Variants in FDFT1 observed in about 807,000 individuals in gnomAD.
The protein encoded by FDFT1 is squalene synthase.
FDFT1 carries 68 observed loss-of-function variants against 46.8 expected under a neutral mutation model. The ratio of observed to expected loss-of-function variants is 1.45; its 90% CI spans 1.19 to 1.78. FDFT1 has a LOEUF of 1.78. FDFT1 is among the 40% of genes most tolerant of loss of function. The pLI, the probability that FDFT1 is intolerant of heterozygous loss-of-function variation, is 0.00. For missense variants in FDFT1, 928 were observed against 524.4 expected, an observed-to-expected ratio of 1.77 and a Z score of -7.52; for synonymous variants, 351 against 185.1, an observed-to-expected ratio of 1.90 and a Z score of -7.28.
At chr8:11,798,185 G>C (rs535557876), upstream of FDFT1, 1 of 152,014 alleles carries the variant, frequency 6.6e-6, no homozygotes. Context: ...TCAGCCTCCC[G>C]AGTAACTGGG....
At chr8:11,828,470 G>C (rs914936118) in intron 5 of FDFT1, among the ~76,000 whole-genome samples, 3 of 152,210 alleles carry the variant, frequency 2.0e-5, no homozygotes, top group African/African-American at 7.2e-5. Context: ...TGTATAGTGA[G>C]GCAGTGGCTG....
chr8:11,829,783 T>C (rs1810515028), intron 5 of FDFT1, among the ~76,000 whole-genome samples: 1 of 152,152 alleles, frequency 6.6e-6, no homozygotes, highest in Non-Finnish European at 1.5e-5. Context: ...ATGAACTTGA[T>C]CTTCGTGAAA....
At chr8:11,797,880 G>A (rs557028068), upstream of FDFT1, 6 of 152,368 alleles carry the variant, frequency 3.9e-5, no homozygotes, top group East Asian at 5.8e-4. Flanking sequence ...GTGCTGCTAG[G>A]ACTGGATCAG....
intron 4 of FDFT1, among the ~76,000 whole-genome samples, chr8:11,822,593 C>T (rs1413182745): frequency 6.6e-6 from 1 of 152,076 alleles, no homozygotes; most frequent in Non-Finnish European, 1.5e-5. Flanking sequence ...GTGGGAGGAT[C>T]ATTTGAGCCC....
At chr8:11,824,322 A>C (rs2130829054) in intron 4 of FDFT1, among the ~76,000 whole-genome samples, 1 of 152,340 alleles carries the variant, frequency 6.6e-6, no homozygotes, top group African/African-American at 2.4e-5. Context: ...GTCGCGGAAA[A>C]AAAAAGTATT....
chr8:11,827,039 G>C (rs575941603), intron 5 of FDFT1, among the ~76,000 whole-genome samples: 3 of 152,322 alleles, frequency 2.0e-5, no homozygotes, highest in African/African-American at 4.8e-5. Flanking sequence ...TTAAAACATG[G>C]ACAGGGAACA....
At chr8:11,809,097 T>G in intron 2 of FDFT1, 2 of 1,288,504 alleles carry the variant, frequency 1.6e-6, no homozygotes, top group Non-Finnish European at 1.0e-6. Context: ...GGCCCAGCCT[T>G]TCAGAGAAGA....
intron 5 of FDFT1, among the ~76,000 whole-genome samples, chr8:11,828,215 G>C (rs1199995680): frequency 6.6e-6 from 1 of 152,118 alleles, no homozygotes; most frequent in African/African-American, 2.4e-5. Flanking sequence ...CTGAGCCCAG[G>C]AGTTCAAGGC....
Position 11,838,989 on chromosome 8 carries a change from G to T in FDFT1, c.*380G>T. On this transcript the variant is annotated 3_prime_UTR_variant, in exon 8 of 8. Coordinates refer to ENST00000220584, the MANE Select transcript of FDFT1 (RefSeq NM_004462.5). ...CACCATTTGAATGTTCGTAATAGTA[G>T]AAAATGATGTGAATTTTCTTTCTGT... is the stretch of plus-strand genomic sequence containing the variant. 5.5e-6 allele frequency: 1 copy of T among 181,400 alleles called. No individual in the cohort carries two copies. Among genetic ancestry groups the T allele is most frequent in the Non-Finnish European group, 1.2e-5 (1 of 85,418 alleles). The allele number at this position is 181,400 out of a possible 1,614,324, so 11.2% of individuals were successfully genotyped here. A position where few individuals can be genotyped will look rare whatever the true frequency, so the allele number is the denominator to read the frequency against.
rs183704568 is a variant in FDFT1 at position 11,805,792 on chromosome 8, G to A, written c.99+2861G>A. 2.0e-5 allele frequency among the ~76,000 whole-genome samples: 3 copies of A among 152,328 alleles called. No homozygotes were observed. In the East Asian group the frequency reaches 5.8e-4, roughly 29 times the overall value. On this transcript the variant is annotated intron_variant, in intron 1 of 7. Transcript: ENST00000220584. The stretch of plus-strand genomic sequence containing the variant: ...GTGCTACTTCACACTGACTAGGGTT[G>A]TATATGCATTTTATTGCCTATTTTC...
At chr8:11,805,700 T>TTGAAGTTGAGGC (rs1282950471) in intron 1 of FDFT1, among the ~76,000 whole-genome samples, 4 of 152,248 alleles carry the variant, frequency 2.6e-5, no homozygotes, top group Non-Finnish European at 1.5e-5. Context: ...AAAACCTGAC[T>TTGAAGTTGAGGC]TGAAGTTGAG....
intron 7 of FDFT1, among the ~76,000 whole-genome samples, chr8:11,832,907 C>G (rs532145862): frequency 6.6e-6 from 1 of 152,150 alleles, no homozygotes; most frequent in African/African-American, 2.4e-5. Flanking sequence ...TCCGTCTAGT[C>G]CCCCTGTTAC....
intron 7 of FDFT1, among the ~76,000 whole-genome samples, chr8:11,838,067 G>A (rs1169565866): frequency 6.6e-6 from 1 of 152,196 alleles, no homozygotes; most frequent in Non-Finnish European, 1.5e-5. Flanking sequence ...CTATGGTGAC[G>A]TTTATTGGGC....
chr8:11,804,629 A>G (rs1335317350), intron 1 of FDFT1, among the ~76,000 whole-genome samples: 95 of 90,452 alleles, frequency 1.1e-3, no homozygotes, highest in African/African-American at 3.8e-3. Context: ...TTTGAGATGG[A>G]GTCTTGCTCT....
rs535295561 is a variant in FDFT1, at chr8:11,810,156, G to C, written c.381+306G>C. The stretch of plus-strand genomic sequence containing the variant: ...TATTCTGAGGATTCAAAGAATTAAC[G>C]TAGGTAATGCTCTTAGAATGTTAGC... On this transcript the variant is annotated intron_variant, in intron 3 of 7. Coordinates refer to ENST00000220584, the MANE Select transcript of FDFT1 (RefSeq NM_004462.5). Among the ~76,000 whole-genome samples, 5 of 152,272 alleles carry C rather than the reference G, an allele frequency of 3.3e-5. No homozygotes were observed. The South Asian group carries it at 8.3e-4, about 25-fold the overall frequency.
At chr8:11,803,771 C>A (rs935542330) in intron 1 of FDFT1, 3 of 182,320 alleles carry the variant, frequency 1.6e-5, no homozygotes, top group South Asian at 1.9e-4. Context: ...CGGAGTCTTT[C>A]TTTCAGTGTC....
chr8:11,830,017 T>G (rs563574265), intron 5 of FDFT1, among the ~76,000 whole-genome samples: 1 of 152,124 alleles, frequency 6.6e-6, no homozygotes, highest in African/African-American at 2.4e-5. Context: ...CCGGCTAGTT[T>G]TTGTATTTTT....
At chr8:11,834,124 C>T (rs1245846119) in intron 7 of FDFT1, among the ~76,000 whole-genome samples, 2 of 152,350 alleles carry the variant, frequency 1.3e-5, no homozygotes, top group Admixed American at 1.3e-4. Flanking sequence ...AACGTTGACT[C>T]TGTCCGATCT....
intron 7 of FDFT1, among the ~76,000 whole-genome samples, chr8:11,832,826 C>A (rs897133203): frequency 1.3e-5 from 2 of 152,104 alleles, no homozygotes; most frequent in African/African-American, 4.8e-5. Context: ...TGAAAACATA[C>A]AAGACCCTCA....
Sources: gnomAD v4.1 joint callset for allele counts (sites outside exome capture counted in the v4.1 genomes callset) on GRCh38, gnomAD v4.1.1 for gene constraint, MANE v1.5 for transcripts, NCBI Gene and HGNC (gene_info 2026-07-23, HGNC 2026-07-21) for gene names.